Variants in ADARB2 observed in about 807,000 individuals in gnomAD.
The protein encoded by ADARB2 is adenosine deaminase RNA specific B2 (inactive), also known as inactive double-stranded RNA-specific editase B2.
A neutral mutation model predicts 62.2 loss-of-function variants in ADARB2; 25 were observed. That is an observed-to-expected ratio of 0.40 (90% CI 0.29 to 0.56). ADARB2 has a LOEUF of 0.56. Ranked by LOEUF, ADARB2 falls within the 20% of genes least tolerant of loss-of-function variation. The probability of loss-of-function intolerance (pLI) is 0.43; values close to 1 mark genes in which losing one functional copy is unlikely to be tolerated. For missense variants in ADARB2, 1,071 were observed against 1,077.4 expected, an observed-to-expected ratio of 0.99 and a Z score of 0.08; for synonymous variants, 572 against 500.8, an observed-to-expected ratio of 1.14 and a Z score of -1.90.
intron 1 of ADARB2, among the ~76,000 whole-genome samples, chr10:1,602,761 A>G (rs1383932216): frequency 6.6e-6 from 1 of 151,600 alleles, no homozygotes; most frequent in Non-Finnish European, 1.5e-5. Flanking sequence ...ACACACCTGT[A>G]CATACACACA....
intron 1 of ADARB2, among the ~76,000 whole-genome samples, chr10:1,468,563 C>A (rs1462366508): frequency 6.6e-6 from 1 of 152,230 alleles, no homozygotes; most frequent in African/African-American, 2.4e-5. Context: ...TATCCAAATT[C>A]TCTCCAACAG....
At chr10:1,699,297 CTCCACCGGGAGACCAGGTGCTCACCAGT>C (rs1414236933) in intron 1 of ADARB2, among the ~76,000 whole-genome samples, 19,629 of 35,700 alleles carry the variant, frequency 0.55, 8,506 homozygotes, top group Non-Finnish European at 0.65. Flanking sequence ...CGCAATCCCA[CTCCACCGGGAGACCAGGTGCTCACCAGT>C]ACACGCAATC....
chr10:1,639,194 A>G (rs1833949329), intron 1 of ADARB2, among the ~76,000 whole-genome samples: 1 of 152,256 alleles, frequency 6.6e-6, no homozygotes, highest in African/African-American at 2.4e-5. Flanking sequence ...GAACTGAGCC[A>G]GGAGGCTGAC....
intron 1 of ADARB2, among the ~76,000 whole-genome samples, chr10:1,669,226 G>A (rs1436637457): frequency 6.6e-6 from 1 of 152,166 alleles, no homozygotes; most frequent in Non-Finnish European, 1.5e-5. Context: ...ACGAAGAGCT[G>A]TGCAGGGCTA....
At chr10:1,205,148 T>A (rs529660421) in intron 7 of ADARB2, among the ~76,000 whole-genome samples, 1 of 152,330 alleles carries the variant, frequency 6.6e-6, no homozygotes, top group South Asian at 2.1e-4. Context: ...CCAGCTGATC[T>A]GCCAGGAAAG....
At chr10:1,303,034 CTT>C (rs771613859) in intron 3 of ADARB2, among the ~76,000 whole-genome samples, 3,903 of 152,274 alleles carry the variant, frequency 0.026, 119 homozygotes, top group East Asian at 0.11. Context: ...CGGAGAATGA[CTT>C]TGACTAGCTG....
intron 3 of ADARB2, among the ~76,000 whole-genome samples, chr10:1,348,650 A>C (rs1832104874): frequency 6.6e-6 from 1 of 151,850 alleles, no homozygotes; most frequent in Admixed American, 6.6e-5. Context: ...AGGGAACCTG[A>C]GTTGACATGG....
intron 1 of ADARB2, among the ~76,000 whole-genome samples, chr10:1,470,606 TTTA>T (rs1190635972): frequency 3.3e-5 from 5 of 152,262 alleles, no homozygotes; most frequent in African/African-American, 1.2e-4. Context: ...AATTTCAGTC[TTTA>T]TTAACTCAAG....
chr10:1,478,422 A>G (rs1052188843), intron 1 of ADARB2, among the ~76,000 whole-genome samples: 2 of 152,188 alleles, frequency 1.3e-5, no homozygotes, highest in South Asian at 2.1e-4. Context: ...CGTTTAAGTA[A>G]CTTAGTACCC....
At chr10:1,533,515 G>A (rs1343574036) in intron 1 of ADARB2, among the ~76,000 whole-genome samples, 2 of 152,088 alleles carry the variant, frequency 1.3e-5, no homozygotes, top group African/African-American at 4.8e-5. Context: ...GGAAACCAAG[G>A]CTACGCTGGG....
intron 1 of ADARB2, among the ~76,000 whole-genome samples, chr10:1,504,434 G>A (rs72764937): frequency 0.2 from 30,882 of 151,998 alleles, 3,381 homozygotes; most frequent in Non-Finnish European, 0.25. Context: ...GTGTGTCTGA[G>A]TACACGTCTC....
chr10:1,631,745 A>T (rs1349530477), intron 1 of ADARB2, among the ~76,000 whole-genome samples: 1 of 152,144 alleles, frequency 6.6e-6, no homozygotes, highest in Non-Finnish European at 1.5e-5. Context: ...ATCTAGGAAA[A>T]TGTGGCTCGG....
chr10:1,387,164 C>G (rs569521693), intron 1 of ADARB2, among the ~76,000 whole-genome samples: 1 of 151,838 alleles, frequency 6.6e-6, no homozygotes. Flanking sequence ...ATATTAGAAA[C>G]AAAGAAACGT....
intron 1 of ADARB2, among the ~76,000 whole-genome samples, chr10:1,532,374 C>G (rs1465966717): frequency 6.6e-6 from 1 of 152,180 alleles, no homozygotes; most frequent in Non-Finnish European, 1.5e-5. Context: ...ACCAACTTTC[C>G]CCCGTGATCT....
At chr10:1,517,539 T>G (rs1832021046) in intron 1 of ADARB2, among the ~76,000 whole-genome samples, 1 of 152,116 alleles carries the variant, frequency 6.6e-6, no homozygotes, top group African/African-American at 2.4e-5. Flanking sequence ...GGAACTTAAG[T>G]TTTTAAATTT....
chr10:1,282,996 G>A (rs1243654627), intron 3 of ADARB2, among the ~76,000 whole-genome samples: 1 of 152,082 alleles, frequency 6.6e-6, no homozygotes, highest in Non-Finnish European at 1.5e-5. Flanking sequence ...GAGGCTCCTA[G>A]GGTGCTCAAA....
chr10:1,446,154 G>T (rs547664656), intron 1 of ADARB2, among the ~76,000 whole-genome samples: 3 of 152,170 alleles, frequency 2.0e-5, no homozygotes, highest in Non-Finnish European at 4.4e-5. Context: ...TTGTGTTTTT[G>T]TTCTTCCACT....
At chr10:1,214,945 C>T (rs1837213132) in intron 7 of ADARB2, among the ~76,000 whole-genome samples, 1 of 152,248 alleles carries the variant, frequency 6.6e-6, no homozygotes, top group Admixed American at 6.5e-5. Context: ...TTCCCCAGCT[C>T]TCCCACGATT....
intron 1 of ADARB2, among the ~76,000 whole-genome samples, chr10:1,653,243 G>A (rs1252530214): frequency 4.6e-5 from 7 of 152,170 alleles, no homozygotes; most frequent in South Asian, 2.1e-4. Context: ...GTGCCCAGGC[G>A]CTGGCTTGCC....
Sources: allele counts gnomAD v4.1 joint callset (sites outside exome capture counted in the v4.1 genomes callset), GRCh38; gene constraint gnomAD v4.1.1; transcripts MANE v1.5; gene names NCBI Gene and HGNC (gene_info 2026-07-23, HGNC 2026-07-21).